Variants in PRDM11 observed in about 807,000 individuals in gnomAD.
PRDM11 encodes PR/SET domain 11, also known as PR domain-containing protein 11.
PRDM11 carries 20 observed loss-of-function variants against 97.8 expected under a neutral mutation model. The observed-to-expected ratio is 0.20, with a 90% CI of 0.14 to 0.30. The LOEUF (loss-of-function observed/expected upper bound fraction) is 0.30, where lower values mean the gene tolerates loss of function less well. PRDM11 is among the 10% of genes least tolerant of loss of function. The probability of loss-of-function intolerance (pLI) is 1.00; values close to 1 mark genes in which losing one functional copy is unlikely to be tolerated. For synonymous variants in PRDM11, 599 were observed against 637.7 expected (o/e 0.94, Z 0.91); for missense variants, 1,139 against 1,555.2 (o/e 0.73, Z 4.50).
chr11:45,184,865 C>T (rs897395283), intron 4 of PRDM11, among the ~76,000 whole-genome samples: 1 of 152,010 alleles, frequency 6.6e-6, no homozygotes, highest in African/African-American at 2.4e-5. Flanking sequence ...AGCGCAGAAC[C>T]TAGGGAGAAT....
intron 4 of PRDM11, among the ~76,000 whole-genome samples, chr11:45,192,692 G>T (rs553016277): frequency 6.6e-6 from 1 of 152,254 alleles, no homozygotes; most frequent in East Asian, 1.9e-4. Flanking sequence ...TTAAGTTCAG[G>T]TGATTTTTAA....
intron 1 of PRDM11, among the ~76,000 whole-genome samples, chr11:45,150,697 T>G (rs1851638238): frequency 1.3e-5 from 2 of 152,140 alleles, no homozygotes; most frequent in African/African-American, 2.4e-5. Flanking sequence ...AGGATGAGAT[T>G]CAACATTGAC....
At chr11:45,126,511 A>C (rs1367387180) in intron 1 of PRDM11, among the ~76,000 whole-genome samples, 1 of 151,794 alleles carries the variant, frequency 6.6e-6, no homozygotes, top group Non-Finnish European at 1.5e-5. Flanking sequence ...TTCCTTCAGG[A>C]GCTCTTTTAC....
intron 1 of PRDM11, among the ~76,000 whole-genome samples, chr11:45,130,657 G>A (rs927831611): frequency 3.9e-5 from 6 of 152,100 alleles, no homozygotes; most frequent in Non-Finnish European, 7.4e-5. Flanking sequence ...TGGAAATTTC[G>A]TATTAAGTGT....
chr11:45,189,824 G>A (rs535086122), intron 4 of PRDM11, among the ~76,000 whole-genome samples: 1 of 152,284 alleles, frequency 6.6e-6, no homozygotes, highest in South Asian at 2.1e-4. Flanking sequence ...CATGTGGTGG[G>A]GACAGGCAGG....
At chr11:45,127,742 G>C (rs975039281) in intron 1 of PRDM11, among the ~76,000 whole-genome samples, 1 of 152,240 alleles carries the variant, frequency 6.6e-6, no homozygotes, top group Non-Finnish European at 1.5e-5. Context: ...ACCCGGCCCT[G>C]TGAGGTGTCA....
At chr11:45,175,976 G>A (rs1471717060) in intron 1 of PRDM11, among the ~76,000 whole-genome samples, 3 of 151,846 alleles carry the variant, frequency 2.0e-5, no homozygotes, top group Non-Finnish European at 4.4e-5. Context: ...GCTTGTTCAT[G>A]TTTTCTTTTT....
intron 1 of PRDM11, among the ~76,000 whole-genome samples, chr11:45,157,657 CCT>C (rs1851833521): frequency 1.3e-5 from 2 of 152,344 alleles, no homozygotes; most frequent in Non-Finnish European, 1.5e-5. Context: ...CTCTTTGTCC[CCT>C]GAGTCGGTCC....
rs150910029 is a variant in PRDM11, at chr11:45,182,967, G to T, written c.330G>T (p.Ala110=). ...PVPVGIPDRA[A]LTIPQGMEVV... ...CCGTGGGCATCCCAGACCGGGCGGC[G>T]CTCACCATCCCACAGGGCATGGAGG... The change falls in exon 4 of 8, where the codon GCG becomes GCT. Residue 110 remains alanine, a synonymous_variant. Transcript: ENST00000683152. 1.9e-6 allele frequency: 3 copies of T among 1,613,896 alleles called. No individual in the cohort carries two copies. The highest frequency in any genetic ancestry group is 2.2e-5 in the East Asian group (1 of 44,888).
chr11:45,170,203 C>T (rs1181643538), intron 1 of PRDM11, among the ~76,000 whole-genome samples: 2 of 152,038 alleles, frequency 1.3e-5, no homozygotes, highest in Non-Finnish European at 2.9e-5. Flanking sequence ...ATTAGCCAGG[C>T]GTGGTGACAG....
intron 4 of PRDM11, among the ~76,000 whole-genome samples, chr11:45,204,455 C>G (rs571051027): frequency 1.1e-3 from 162 of 152,170 alleles, no homozygotes; most frequent in Non-Finnish European, 1.7e-3. Context: ...TCCAGGAATT[C>G]AAAACACCTC....
chr11:45,174,598 T>C (rs1181558594), intron 1 of PRDM11, among the ~76,000 whole-genome samples: 1 of 152,270 alleles, frequency 6.6e-6, no homozygotes, highest in Non-Finnish European at 1.5e-5. Flanking sequence ...GTGTGCCTGA[T>C]ACTCAGTCTC....
chr11:45,100,533 A>T (rs1454618346), intron 1 of PRDM11, among the ~76,000 whole-genome samples: 2 of 152,132 alleles, frequency 1.3e-5, no homozygotes, highest in Non-Finnish European at 1.5e-5. Context: ...TTCTCAAGCC[A>T]TACCCACCCA....
At chr11:45,123,078 T>A (rs1852477199) in intron 1 of PRDM11, among the ~76,000 whole-genome samples, 1 of 152,142 alleles carries the variant, frequency 6.6e-6, no homozygotes, top group African/African-American at 2.4e-5. Flanking sequence ...TTGATTTGCA[T>A]TTCTCTGATG....
chr11:45,102,993 A>G (rs1458777039), intron 1 of PRDM11, among the ~76,000 whole-genome samples: 4 of 149,472 alleles, frequency 2.7e-5, no homozygotes, highest in African/African-American at 5.1e-5. Context: ...AGGCCCACTC[A>G]CTGTGTGGGC....
chr11:45,125,351 C>G (rs1056758758), intron 1 of PRDM11, among the ~76,000 whole-genome samples: 2 of 152,060 alleles, frequency 1.3e-5, no homozygotes, highest in African/African-American at 4.8e-5. Flanking sequence ...AAGTTCTGCT[C>G]TGATTTTGGT....
intron 1 of PRDM11, among the ~76,000 whole-genome samples, chr11:45,170,490 G>A (rs908953436): frequency 1.3e-5 from 2 of 152,236 alleles, no homozygotes; most frequent in African/African-American, 4.8e-5. Flanking sequence ...AGGCGGAAGA[G>A]CATCTCAGGC....
intron 1 of PRDM11, among the ~76,000 whole-genome samples, chr11:45,096,451 T>C: frequency 6.6e-6 from 1 of 152,182 alleles, no homozygotes; most frequent in East Asian, 1.9e-4. Context: ...TGTGAGATTA[T>C]AGGTGACATA....
intron 1 of PRDM11, among the ~76,000 whole-genome samples, chr11:45,117,408 T>C (rs1461956964): frequency 6.6e-6 from 1 of 152,158 alleles, no homozygotes; most frequent in African/African-American, 2.4e-5. Flanking sequence ...AAATCTCTCA[T>C]GCAGAAGAAT....
Sources: allele counts gnomAD v4.1 joint callset (sites outside exome capture counted in the v4.1 genomes callset), GRCh38; gene constraint gnomAD v4.1.1; transcripts MANE v1.5; gene names NCBI Gene and HGNC (gene_info 2026-07-23, HGNC 2026-07-21).